The following GNAQ variants were observed in gnomAD, a reference collection of about 807,000 sequenced individuals.
GNAQ encodes the protein guanine nucleotide-binding protein G(q) subunit alpha.
Under a neutral mutation model 43.9 loss-of-function variants are expected in GNAQ, and 8 were observed. The ratio of observed to expected loss-of-function variants is 0.18; its 90% CI spans 0.11 to 0.33. GNAQ has a LOEUF of 0.33. Ranked by LOEUF, GNAQ falls within the 10% of genes least tolerant of loss-of-function variation. The probability of loss-of-function intolerance (pLI) is 1.00; values close to 1 mark genes in which losing one functional copy is unlikely to be tolerated. For synonymous variants in GNAQ, 155 were observed against 170.7 expected, an observed-to-expected ratio of 0.91 and a Z score of 0.71; for missense variants, 158 against 450.8, an observed-to-expected ratio of 0.35 and a Z score of 5.88.
intron 2 of GNAQ, among the ~76,000 whole-genome samples, chr9:77,860,277 T>C (rs983860386): frequency 3.9e-5 from 6 of 152,106 alleles, no homozygotes; most frequent in African/African-American, 1.4e-4. Flanking sequence ...GCTCTCTTAG[T>C]CCTGTTCAGA....
At chr9:77,960,483 A>G (rs769434587) in intron 1 of GNAQ, among the ~76,000 whole-genome samples, 2 of 152,192 alleles carry the variant, frequency 1.3e-5, no homozygotes, top group Non-Finnish European at 2.9e-5. Flanking sequence ...GTGATATTAC[A>G]GAAGAGAGAT....
At chr9:77,945,889 A>G (rs957244002) in intron 1 of GNAQ, among the ~76,000 whole-genome samples, 1 of 152,168 alleles carries the variant, frequency 6.6e-6, no homozygotes, top group Non-Finnish European at 1.5e-5. Flanking sequence ...GGTCTACTGA[A>G]GTTATGCGAA....
intron 2 of GNAQ, among the ~76,000 whole-genome samples, chr9:77,825,120 A>G (rs1564121913): frequency 6.6e-6 from 1 of 152,224 alleles, no homozygotes; most frequent in African/African-American, 2.4e-5. Flanking sequence ...GTACTGATAA[A>G]TAATTTTATA....
chr9:77,947,107 T>C (rs1822913928), intron 1 of GNAQ, among the ~76,000 whole-genome samples: 1 of 152,186 alleles, frequency 6.6e-6, no homozygotes, highest in African/African-American at 2.4e-5. Context: ...GGGCAAAACC[T>C]CCCCCATTCT....
chr9:77,780,939 A>G (rs1587913602), intron 5 of GNAQ, among the ~76,000 whole-genome samples: 1 of 134,104 alleles, frequency 7.5e-6, no homozygotes, highest in Non-Finnish European at 1.5e-5. Context: ...TCATTTGCTC[A>G]TGTATTAATT....
chr9:78,026,092 C>T (rs1020673028), intron 1 of GNAQ, among the ~76,000 whole-genome samples: 14 of 152,098 alleles, frequency 9.2e-5, no homozygotes, highest in Non-Finnish European at 1.8e-4. Flanking sequence ...AAGATTCTAT[C>T]AAATTTATTT....
chr9:77,803,171 C>T (rs1457365757), intron 3 of GNAQ, among the ~76,000 whole-genome samples: 1 of 152,112 alleles, frequency 6.6e-6, no homozygotes, highest in African/African-American at 2.4e-5. Flanking sequence ...GTTAGCTATC[C>T]ATCCTTACGA....
At chr9:77,856,533 T>C (rs1040110342) in intron 2 of GNAQ, among the ~76,000 whole-genome samples, 1 of 152,172 alleles carries the variant, frequency 6.6e-6, no homozygotes, top group Non-Finnish European at 1.5e-5. Context: ...AGTTTACAAT[T>C]GGCAGCAGGT....
At chr9:78,029,974 G>A (rs1220561835) in intron 1 of GNAQ, among the ~76,000 whole-genome samples, 1 of 152,038 alleles carries the variant, frequency 6.6e-6, no homozygotes, top group Non-Finnish European at 1.5e-5. Context: ...AACCCTGATC[G>A]CTTGATTCTG....
chr9:78,022,515 T>C (rs996208802), intron 1 of GNAQ, among the ~76,000 whole-genome samples: 1 of 152,264 alleles, frequency 6.6e-6, no homozygotes, highest in Non-Finnish European at 1.5e-5. Flanking sequence ...CCATAAAAGG[T>C]GCTTATTTAG....
chr9:77,845,713 T>C (rs1827573716), intron 2 of GNAQ, among the ~76,000 whole-genome samples: 2 of 152,126 alleles, frequency 1.3e-5, no homozygotes, highest in Admixed American at 1.3e-4. Flanking sequence ...ACACTTACTG[T>C]AAAACTTTAC....
At chr9:77,791,279 G>T (rs965834571) in intron 5 of GNAQ, among the ~76,000 whole-genome samples, 1 of 152,080 alleles carries the variant, frequency 6.6e-6, no homozygotes, top group African/African-American at 2.4e-5. Context: ...TCATGAAACA[G>T]AAAATCAGAA....
intron 1 of GNAQ, among the ~76,000 whole-genome samples, chr9:77,947,080 A>G (rs1328016474): frequency 6.6e-6 from 1 of 152,168 alleles, no homozygotes; most frequent in Non-Finnish European, 1.5e-5. Context: ...CCCTTTCCCC[A>G]AATATCCTTC....
intron 5 of GNAQ, among the ~76,000 whole-genome samples, chr9:77,769,453 T>C (rs1011054082): frequency 8.1e-5 from 12 of 148,658 alleles, no homozygotes; most frequent in African/African-American, 3.0e-4. Flanking sequence ...ATTGAAAGGG[T>C]GGGCACAGCT....
chr9:77,817,193 G>A (rs371189642), intron 2 of GNAQ, among the ~76,000 whole-genome samples: 48 of 152,214 alleles, frequency 3.2e-4, no homozygotes, highest in African/African-American at 1.0e-3. Context: ...TCTGAGACTC[G>A]CCCTTTGAAA....
At chr9:77,783,993 T>C (rs1425601053) in intron 5 of GNAQ, among the ~76,000 whole-genome samples, 2 of 152,118 alleles carry the variant, frequency 1.3e-5, no homozygotes, top group East Asian at 3.9e-4. Context: ...GCCTCAAAAA[T>C]AGAGAAGTAT....
chr9:77,878,187 G>C (rs1255236990), intron 2 of GNAQ, among the ~76,000 whole-genome samples: 1 of 151,062 alleles, frequency 6.6e-6, no homozygotes, highest in East Asian at 1.9e-4. Flanking sequence ...ATGGCTCTCT[G>C]GTAGGAGTTA....
At chr9:77,973,226 C>T (rs1331606739) in intron 1 of GNAQ, among the ~76,000 whole-genome samples, 2 of 152,124 alleles carry the variant, frequency 1.3e-5, no homozygotes, top group South Asian at 4.1e-4. Flanking sequence ...TACTCCTAAA[C>T]AGAACTCACG....
intron 5 of GNAQ, among the ~76,000 whole-genome samples, chr9:77,790,339 A>G (rs1826547909): frequency 6.6e-6 from 1 of 152,234 alleles, no homozygotes. Context: ...AATTCCCAAA[A>G]GCTCACTCAA....
Sources: gnomAD v4.1 joint callset for allele counts (sites outside exome capture counted in the v4.1 genomes callset) on GRCh38, gnomAD v4.1.1 for gene constraint, MANE v1.5 for transcripts, NCBI Gene and HGNC (gene_info 2026-07-23, HGNC 2026-07-21) for gene names.